MGLL: variants seen among roughly 807,000 people sequenced by gnomAD.
MGLL encodes lysophospholipase homolog.
A neutral mutation model predicts 29.1 loss-of-function variants in MGLL; 7 were observed. The ratio of observed to expected loss-of-function variants is 0.24; its 90% CI spans 0.14 to 0.45. The LOEUF (loss-of-function observed/expected upper bound fraction) is 0.45. Among genes scored for constraint, MGLL ranks in the 20% least tolerant of loss-of-function variants. The pLI, the probability that MGLL is intolerant of heterozygous loss-of-function variation, is 0.99. For synonymous variants in MGLL, 148 were observed against 168.3 expected (o/e 0.88, Z 0.93); for missense variants, 356 against 413.6 (o/e 0.86, Z 1.21).
At chr3:127,775,992 CAAGAGAACGCCAGCCCCGGTTTT>C (rs1246639528) in intron 3 of MGLL, among the ~76,000 whole-genome samples, 1 of 152,208 alleles carries the variant, frequency 6.6e-6, no homozygotes. Context: ...GACCAGGGAC[CAAGAGAACGCCAGCCCCGGTTTT>C]CTCCCTGCTA....
chr3:127,813,921 C>T (rs932232446), intron 2 of MGLL, among the ~76,000 whole-genome samples: 2 of 151,970 alleles, frequency 1.3e-5, no homozygotes, highest in Admixed American at 6.6e-5. Flanking sequence ...TGTTGTTTTC[C>T]TCCTCTTCAT....
intron 7 of MGLL, among the ~76,000 whole-genome samples, chr3:127,693,276 C>T (rs2075282372): frequency 6.6e-6 from 1 of 152,208 alleles, no homozygotes; most frequent in Admixed American, 6.5e-5. Flanking sequence ...GCTTGACCTG[C>T]CTTGGTTGTC....
intron 2 of MGLL, among the ~76,000 whole-genome samples, chr3:127,788,108 A>G (rs964617041): frequency 3.9e-5 from 6 of 152,214 alleles, no homozygotes; most frequent in African/African-American, 1.4e-4. Flanking sequence ...ATAATAAAAC[A>G]GATCAATAAC....
intron 3 of MGLL, among the ~76,000 whole-genome samples, chr3:127,773,963 C>T (rs2107698586): frequency 6.6e-6 from 1 of 152,330 alleles, no homozygotes; most frequent in South Asian, 2.1e-4. Context: ...CCCCACACTC[C>T]CTGACTTCGC....
chr3:127,815,250 C>T (rs368525020), intron 2 of MGLL, among the ~76,000 whole-genome samples: 21 of 152,348 alleles, frequency 1.4e-4, no homozygotes, highest in African/African-American at 5.1e-4. Context: ...TGACCCGCAG[C>T]TTGCGATGAT....
At chr3:127,799,628 C>A (rs2077442688) in intron 2 of MGLL, among the ~76,000 whole-genome samples, 1 of 152,206 alleles carries the variant, frequency 6.6e-6, no homozygotes, top group Non-Finnish European at 1.5e-5. Flanking sequence ...CCAGTCAACT[C>A]TCTTTCCTCT....
chr3:127,725,100 G>C (rs1381552205), intron 3 of MGLL, among the ~76,000 whole-genome samples: 1 of 151,826 alleles, frequency 6.6e-6, no homozygotes, highest in African/African-American at 2.4e-5. Context: ...AGCCCTGGAG[G>C]CTCCGTGCGA....
chr3:127,740,358 A>G (rs2076317381), intron 3 of MGLL, among the ~76,000 whole-genome samples: 1 of 152,102 alleles, frequency 6.6e-6, no homozygotes, highest in South Asian at 2.1e-4. Flanking sequence ...GGCAACCACC[A>G]CTGACTTTTT....
In MGLL at chr3:127,792,087, A is replaced by G. The variant is rs1325418148; in HGVS notation, c.156-10192T>C. Reference sequence around the variant, plus strand: ...TGTCTCAAAAAACAAACGAACAAACATGCAGCATCCCGGCCCCCAGAGGCC... The same window carrying G: ...TGTCTCAAAAAACAAACGAACAAACGTGCAGCATCCCGGCCCCCAGAGGCC... On this transcript the variant is annotated intron_variant, in intron 2 of 7. Coordinates refer to ENST00000265052, the MANE Select transcript of MGLL (RefSeq NM_007283.7). Among the ~76,000 whole-genome samples, 3 of 152,124 alleles carry G rather than the reference A, an allele frequency of 2.0e-5. No homozygotes were observed. The East Asian group carries it at 5.8e-4, about 29-fold the overall frequency.
intron 2 of MGLL, among the ~76,000 whole-genome samples, chr3:127,801,355 G>A (rs953681139): frequency 1.3e-5 from 2 of 149,704 alleles, no homozygotes; most frequent in African/African-American, 2.5e-5. Flanking sequence ...GGCGGCTCAC[G>A]CCTGTAATCT....
intron 3 of MGLL, among the ~76,000 whole-genome samples, chr3:127,748,908 T>C (rs554227582): frequency 1.6e-4 from 25 of 152,298 alleles, no homozygotes; most frequent in Admixed American, 7.2e-4. Context: ...TAATTCTCTT[T>C]GCTTGGAATG....
intron 3 of MGLL, among the ~76,000 whole-genome samples, 158 bp downstream of exon 3, chr3:127,781,631 A>AT (rs890092208): frequency 5.3e-5 from 8 of 152,098 alleles, no homozygotes; most frequent in African/African-American, 1.9e-4. Flanking sequence ...CTCGTCAGAC[A>AT]TTTTTTTTGT....
intron 3 of MGLL, among the ~76,000 whole-genome samples, chr3:127,747,262 C>T (rs2076465427): frequency 6.6e-6 from 1 of 152,194 alleles, no homozygotes; most frequent in Non-Finnish European, 1.5e-5. Flanking sequence ...TGCACTCCTG[C>T]ACATCCTGGG....
intron 6 of MGLL, among the ~76,000 whole-genome samples, chr3:127,703,843 C>G (rs545027445): frequency 6.6e-6 from 1 of 152,190 alleles, no homozygotes; most frequent in African/African-American, 2.4e-5. Flanking sequence ...ATATCCAGAA[C>G]ATATACAGAA....
intron 3 of MGLL, among the ~76,000 whole-genome samples, chr3:127,751,959 T>G (rs939850184): frequency 1.3e-5 from 2 of 152,188 alleles, no homozygotes; most frequent in Non-Finnish European, 2.9e-5. Context: ...ATGCACTGCA[T>G]CTACTGCTTT....
At chr3:127,792,748 GA>G (rs1396874382) in intron 2 of MGLL, among the ~76,000 whole-genome samples, 1 of 152,122 alleles carries the variant, frequency 6.6e-6, no homozygotes, top group Admixed American at 6.6e-5. Flanking sequence ...CTTTGAAGAT[GA>G]AAAGCTGCCG....
At chr3:127,726,299 G>T (rs923383883) in intron 3 of MGLL, among the ~76,000 whole-genome samples, 56 of 141,216 alleles carry the variant, frequency 4.0e-4, no homozygotes, top group African/African-American at 1.4e-3. Flanking sequence ...AGGAAGGGAG[G>T]GAGGGAGGGA....
chr3:127,820,799 A>G (rs2077845652), intron 2 of MGLL, among the ~76,000 whole-genome samples: 1 of 152,226 alleles, frequency 6.6e-6, no homozygotes, highest in Non-Finnish European at 1.5e-5. Context: ...CCCTGAAGCT[A>G]TGACTCTATG....
At position 127,692,330 on chromosome 3, in the gene MGLL, T is replaced by A. The variant is rs866173564; in HGVS notation, c.817-7A>T. 6.2e-7 allele frequency: 1 copy of A among 1,614,014 alleles called. No homozygotes were observed. The highest frequency in any genetic ancestry group is 1.6e-4 in the Middle Eastern group (1 of 6,062). On this transcript the variant is annotated splice_region_variant and splice_polypyrimidine_tract_variant and intron_variant, in intron 7 of 7. Coordinates refer to ENST00000265052, the MANE Select transcript of MGLL (RefSeq NM_007283.7). Reference sequence around the variant, plus strand: ...GGTAGGCACCTTCATAAATCTGCAATGAGGAGAGACACGGAATCAGAGCTG... The same window carrying A: ...GGTAGGCACCTTCATAAATCTGCAAAGAGGAGAGACACGGAATCAGAGCTG...
Sources: gnomAD v4.1 joint callset for allele counts (sites outside exome capture counted in the v4.1 genomes callset) on GRCh38, gnomAD v4.1.1 for gene constraint, MANE v1.5 for transcripts, NCBI Gene and HGNC (gene_info 2026-07-23, HGNC 2026-07-21) for gene names.